The following LAPTM4B variants were observed in gnomAD, a reference collection of about 807,000 sequenced individuals.
The protein encoded by LAPTM4B is lysosomal-associated transmembrane protein 4B.
In LAPTM4B, 26 loss-of-function variants were observed where a neutral mutation model predicts 28.5. That is an observed-to-expected ratio of 0.91 (90% CI 0.67 to 1.27). The LOEUF (loss-of-function observed/expected upper bound fraction) is 1.27, where lower values mean the gene tolerates loss of function less well. Among genes scored for constraint, LAPTM4B ranks in the 50% most tolerant of loss-of-function variants. The pLI, the probability that LAPTM4B is intolerant of heterozygous loss-of-function variation, is 0.00. For synonymous variants in LAPTM4B, 109 were observed against 106.4 expected (o/e 1.02, Z -0.15); for missense variants, 288 against 285.8 (o/e 1.01, Z -0.06).
At chr8:97,794,602 A>G (rs548796776) in intron 1 of LAPTM4B, among the ~76,000 whole-genome samples, 5 of 85,598 alleles carry the variant, frequency 5.8e-5, no homozygotes, top group Admixed American at 1.4e-4. Flanking sequence ...TTATTTTGAT[A>G]TCAGAACAGG....
At chr8:97,844,726 A>G (rs1042328079) in intron 6 of LAPTM4B, among the ~76,000 whole-genome samples, 1 of 152,094 alleles carries the variant, frequency 6.6e-6, no homozygotes, top group Non-Finnish European at 1.5e-5. Flanking sequence ...CCTCTTTGAC[A>G]AGTTGGGTTG....
At chr8:97,792,188 A>C (rs1329954736) in intron 1 of LAPTM4B, among the ~76,000 whole-genome samples, 1 of 152,186 alleles carries the variant, frequency 6.6e-6, no homozygotes, top group African/African-American at 2.4e-5. Context: ...GTCCAACTCC[A>C]AGGATTGCCA....
At chr8:97,783,080 T>TTC (rs1816348361) in intron 1 of LAPTM4B, among the ~76,000 whole-genome samples, 1 of 149,084 alleles carries the variant, frequency 6.7e-6, no homozygotes, top group African/African-American at 2.5e-5. Flanking sequence ...GCCTTTTTTT[T>TTC]TTTTTTTTTT....
At position 97,851,470 on chromosome 8, in the gene LAPTM4B, C is replaced by G. The variant is rs775943158; in HGVS notation, c.677C>G (p.Ala226Gly). 7.4e-6 allele frequency: 12 copies of G among 1,613,314 alleles called. No individual in the cohort carries two copies. Among genetic ancestry groups the G allele is most frequent in the Admixed American group, 3.3e-5 (2 of 60,032 alleles). The change falls in exon 7 of 7, where the codon GCC becomes GGC. Residue 226 changes from alanine (A) to glycine (G), a missense_variant. Coordinates refer to ENST00000521545, the MANE Select transcript of LAPTM4B (RefSeq NM_018407.6). ...GAGCCACCGCCACCTTACGTGTCTG[C>G]CTAAGCCTTCAAGTGGGCGGAGCTG... ...AKEPPPPYVSA is the reference protein window; with the variant it reads ...AKEPPPPYVSG
chr8:97,838,187 G>T (rs1214154000), intron 6 of LAPTM4B, among the ~76,000 whole-genome samples: 3 of 152,176 alleles, frequency 2.0e-5, no homozygotes, highest in Non-Finnish European at 4.4e-5. Context: ...GAGCTTTCTT[G>T]TGTGTGACTG....
At chr8:97,828,744 A>G (rs1358467705) in intron 6 of LAPTM4B, among the ~76,000 whole-genome samples, 8 of 152,214 alleles carry the variant, frequency 5.3e-5, no homozygotes, top group Admixed American at 5.2e-4. Context: ...AAAGTGAGTT[A>G]TATCGGTAAG....
At chr8:97,816,030 T>C (rs1816906699) in intron 3 of LAPTM4B, 28 bp from the exon 4 acceptor site, 3 of 1,575,744 alleles carry the variant, frequency 1.9e-6, no homozygotes, top group East Asian at 4.5e-5. Context: ...ATTGAACACA[T>C]TAACTTTCTA....
chr8:97,790,639 T>A (rs1166262020), intron 1 of LAPTM4B, among the ~76,000 whole-genome samples: 1 of 151,704 alleles, frequency 6.6e-6, no homozygotes, highest in East Asian at 1.9e-4. Context: ...GGAAATGGGG[T>A]TTCACCACAT....
intron 1 of LAPTM4B, among the ~76,000 whole-genome samples, chr8:97,783,101 T>C (rs1166785677): frequency 6.7e-6 from 1 of 148,286 alleles, no homozygotes; most frequent in Non-Finnish European, 1.5e-5. Context: ...TAAATATCCT[T>C]GTTCAGTTAT....
chr8:97,779,504 AAG>A (rs1816275997), intron 1 of LAPTM4B, among the ~76,000 whole-genome samples: 1 of 151,424 alleles, frequency 6.6e-6, no homozygotes, highest in Non-Finnish European at 1.5e-5. Context: ...AAAAAAGAGA[AAG>A]AGGCCTGGTG....
At chr8:97,818,468 C>G (rs535968308) in intron 4 of LAPTM4B, among the ~76,000 whole-genome samples, 1 of 152,290 alleles carries the variant, frequency 6.6e-6, no homozygotes, top group East Asian at 1.9e-4. Context: ...GAAAGTCCGG[C>G]AACTCCCTCT....
chr8:97,792,392 C>A (rs766480922), intron 1 of LAPTM4B, among the ~76,000 whole-genome samples: 18 of 151,984 alleles, frequency 1.2e-4, no homozygotes, highest in Non-Finnish European at 2.1e-4. Context: ...GCAGCTGGGA[C>A]TACAGGTGCG....
intron 2 of LAPTM4B, 44 bp downstream of exon 2, chr8:97,805,508 A>ATTCC: frequency 1.0e-6 from 1 of 995,734 alleles, no homozygotes; most frequent in Non-Finnish European, 1.6e-6. Flanking sequence ...AGGGAATCTG[A>ATTCC]CTGCCAGCAC....
At chr8:97,776,242 G>C in intron 1 of LAPTM4B, 134 bp downstream of exon 1, 3 of 1,128,426 alleles carry the variant, frequency 2.7e-6, no homozygotes, top group Admixed American at 4.0e-5. Context: ...TTAATTCTCC[G>C]GGTGCCGCGT....
At chr8:97,795,299 AGGC>A in intron 1 of LAPTM4B, among the ~76,000 whole-genome samples, 1 of 152,112 alleles carries the variant, frequency 6.6e-6, no homozygotes, top group South Asian at 2.1e-4. Flanking sequence ...TATGTTGCCC[AGGC>A]TAGTCTTGAA....
intron 6 of LAPTM4B, among the ~76,000 whole-genome samples, chr8:97,846,714 T>C (rs1046727501): frequency 2.6e-5 from 4 of 152,228 alleles, no homozygotes; most frequent in Admixed American, 6.5e-5. Flanking sequence ...CATTCATTTT[T>C]CCCAAAAATA....
At chr8:97,785,808 T>C (rs1003972207) in intron 1 of LAPTM4B, among the ~76,000 whole-genome samples, 9 of 151,986 alleles carry the variant, frequency 5.9e-5, no homozygotes, top group African/African-American at 1.7e-4. Flanking sequence ...GTTGAAGACA[T>C]AGCTCAAAAG....
At chr8:97,795,408 G>T (rs1816566025) in intron 1 of LAPTM4B, among the ~76,000 whole-genome samples, 1 of 152,074 alleles carries the variant, frequency 6.6e-6, no homozygotes, top group South Asian at 2.1e-4. Flanking sequence ...TTTAAATTGT[G>T]AATCATTTTT....
intron 6 of LAPTM4B, among the ~76,000 whole-genome samples, chr8:97,837,298 T>C (rs1317819888): frequency 1.3e-5 from 2 of 151,868 alleles, no homozygotes; most frequent in Non-Finnish European, 2.9e-5. Context: ...GTTCACGTTA[T>C]TCTCCTGTCT....
Sources: allele counts gnomAD v4.1 joint callset (sites outside exome capture counted in the v4.1 genomes callset), GRCh38; gene constraint gnomAD v4.1.1; transcripts MANE v1.5; gene names NCBI Gene and HGNC (gene_info 2026-07-23, HGNC 2026-07-21).